The following SOAT1 variants were observed in gnomAD, a reference collection of about 807,000 sequenced individuals.
The protein encoded by SOAT1 is sterol O-acyltransferase 1.
Under a neutral mutation model 69.5 loss-of-function variants are expected in SOAT1, and 55 were observed. The ratio of observed to expected loss-of-function variants is 0.79; its 90% CI spans 0.64 to 0.99. SOAT1 has a LOEUF of 0.99. SOAT1 is among the 50% of genes least tolerant of loss of function. SOAT1 has a pLI of 0.00. For synonymous variants in SOAT1, 231 were observed against 224.7 expected (o/e 1.03, Z -0.25); for missense variants, 580 against 669.3 (o/e 0.87, Z 1.47).
At chr1:179,347,110 G>A (rs1666557669) in intron 11 of SOAT1, among the ~76,000 whole-genome samples, 1 of 152,080 alleles carries the variant, frequency 6.6e-6, no homozygotes, top group African/African-American at 2.4e-5. Flanking sequence ...TGTAATCCTA[G>A]CACTTCGGGA....
chr1:179,306,696 G>A (rs1216306163), intron 2 of SOAT1, among the ~76,000 whole-genome samples: 5 of 152,010 alleles, frequency 3.3e-5, no homozygotes, highest in South Asian at 2.1e-4. Flanking sequence ...GCCGGGTGCG[G>A]TGGTGGGCAC....
Position 179,341,285 on chromosome 1 carries a change from CCCGGTTCATCAT to C in SOAT1, c.756_767del (p.Arg253_Ile256del). The C allele has an allele frequency of 1.2e-6, 2 of 1,614,054 alleles. No individual in the cohort carries two copies. Among genetic ancestry groups the C allele is most frequent in the Non-Finnish European group, 1.7e-6 (2 of 1,179,996 alleles). ...TTAGCATATACACTGCCACCAGCTT[CCCGGTTCATCAT>C]TATATTCGAGCAGGTAAGGTTTTAA... On this transcript the variant is annotated inframe_deletion, in exon 7 of 16. Coordinates refer to ENST00000367619, the MANE Select transcript of SOAT1 (RefSeq NM_003101.6).
intron 2 of SOAT1, among the ~76,000 whole-genome samples, chr1:179,317,776 C>T (rs759958124): frequency 4.6e-5 from 7 of 150,986 alleles, no homozygotes; most frequent in African/African-American, 9.7e-5. Flanking sequence ...TGATGTTTCT[C>T]GGTTCCCATA....
At chr1:179,326,526 T>C (rs1665796006) in intron 3 of SOAT1, among the ~76,000 whole-genome samples, 1 of 151,938 alleles carries the variant, frequency 6.6e-6, no homozygotes, top group Non-Finnish European at 1.5e-5. Flanking sequence ...ATTTTACCAT[T>C]GTTTATTAAT....
At chr1:179,325,200 A>C (rs1166641251) in intron 3 of SOAT1, among the ~76,000 whole-genome samples, 5 of 132,026 alleles carry the variant, frequency 3.8e-5, no homozygotes, top group Admixed American at 9.2e-5. Flanking sequence ...CCCAGGCTGG[A>C]GTGCAGTGGC....
chr1:179,340,914 G>A lies in SOAT1; in HGVS notation c.498-114G>A, dbSNP rs987347629. ...ACATCCATGACTTCAGCGTATTAAC[G>A]TTGTGGTGTTTCCTAAGGTTGAAAG... is the stretch of plus-strand genomic sequence containing the variant. On this transcript the variant is annotated intron_variant, in intron 6 of 15. Transcript: ENST00000367619. The A allele has an allele frequency of 2.7e-5, 24 of 875,132 alleles. No homozygotes were observed. In the Admixed American group the frequency reaches 5.8e-4, roughly 21 times the overall value. 54.2% of individuals were successfully genotyped at this position (875,132 alleles called of 1,614,324 possible).
At chr1:179,323,045 C>CTTTTTTTTTTTTT (rs36045111) in intron 2 of SOAT1, among the ~76,000 whole-genome samples, 1 of 126,738 alleles carries the variant, frequency 7.9e-6, no homozygotes, top group Non-Finnish European at 1.6e-5. Context: ...TCTTTTCTTT[C>CTTTTTTTTTTTTT]TTTTTTTTTT....
At chr1:179,333,375 TTTAACTA>T (rs1237013762) in intron 3 of SOAT1, among the ~76,000 whole-genome samples, 5 of 145,586 alleles carry the variant, frequency 3.4e-5, no homozygotes, top group Admixed American at 7.3e-5. Flanking sequence ...CATAGTATCT[TTTAACTA>T]GGATATTCCT....
intron 15 of SOAT1, among the ~76,000 whole-genome samples, chr1:179,353,216 T>TATATATAA (rs1666802971): frequency 8.5e-6 from 1 of 117,748 alleles, no homozygotes; most frequent in Non-Finnish European, 1.7e-5. Flanking sequence ...TAAATATATA[T>TATATATAA]ATATATATCT....
Position 179,341,092 on chromosome 1 carries a change from TG to T in SOAT1, c.564del (p.Trp188CysfsTer30). On this transcript the variant is annotated frameshift_variant, in exon 7 of 16. Transcript: ENST00000367619. LOFTEE classifies it high-confidence loss of function. ...FGKFPTVVWT[W>X]WIMFLSTFSV... ...CAAATTTCCTACCGTTGTTTGGACC[TG>T]GTGGATCATGTTCCTGTCTACATTT... is the stretch of plus-strand genomic sequence containing the variant. 6.2e-7 allele frequency: 1 copy of T among 1,614,144 alleles called. No individual in the cohort carries two copies.
intron 3 of SOAT1, among the ~76,000 whole-genome samples, chr1:179,324,097 A>G (rs1665699741): frequency 6.6e-6 from 1 of 152,222 alleles, no homozygotes; most frequent in Non-Finnish European, 1.5e-5. Flanking sequence ...TTTGTTGGCC[A>G]GTTTGACTAT....
At chr1:179,318,731 G>A (rs1246496438) in intron 2 of SOAT1, among the ~76,000 whole-genome samples, 1 of 152,044 alleles carries the variant, frequency 6.6e-6, no homozygotes, top group Non-Finnish European at 1.5e-5. Context: ...AGTCTTTTGT[G>A]ACTTCCTCTT....
At chr1:179,353,063 A>G (rs1270130646) in intron 15 of SOAT1, among the ~76,000 whole-genome samples, 1 of 145,070 alleles carries the variant, frequency 6.9e-6, no homozygotes, top group Non-Finnish European at 1.5e-5. Context: ...TCATTTTTAT[A>G]TATATGTCAT....
At chr1:179,332,894 T>C (rs1483945845) in intron 3 of SOAT1, among the ~76,000 whole-genome samples, 1 of 151,952 alleles carries the variant, frequency 6.6e-6, no homozygotes, top group African/African-American at 2.4e-5. Flanking sequence ...CTAGGATCTG[T>C]GAAAGGAGGA....
intron 4 of SOAT1, 30 bp from the exon 5 acceptor site, chr1:179,337,807 A>G: frequency 6.5e-7 from 1 of 1,533,984 alleles, no homozygotes; most frequent in Non-Finnish European, 8.9e-7. Flanking sequence ...TGAAGTACTT[A>G]TATCTTGTTT....
chr1:179,351,415 T>C lies in SOAT1; in HGVS notation c.1549T>C (p.Phe517Leu), dbSNP rs1427001358. 3 of 1,614,134 alleles carry C rather than the reference T, an allele frequency of 1.9e-6. No homozygotes were observed. Among genetic ancestry groups the C allele is most frequent in the African/African-American group, 1.3e-5 (1 of 75,034 alleles). ...LFLGNGVLLC[F>L]YSQEWYARQH... is the part of the protein sequence containing the mutation. ...CTTGGGCAATGGAGTCTTACTCTGC[T>C]TTTATTCTCAAGAATGGTATGCACG... The change falls in exon 15 of 16, where the codon TTT becomes CTT. Residue 517 changes from phenylalanine (F) to leucine (L), a missense_variant. Phe to Leu is a conservative substitution (Grantham distance 22). Coordinates refer to ENST00000367619, the MANE Select transcript of SOAT1 (RefSeq NM_003101.6).
At chr1:179,297,134 A>G (rs776961278) in intron 1 of SOAT1, among the ~76,000 whole-genome samples, 18 of 152,294 alleles carry the variant, frequency 1.2e-4, no homozygotes, top group Admixed American at 3.3e-4. Flanking sequence ...TGCACTCAGC[A>G]CTTTGTTACC....
rs933098318 is a variant in SOAT1 at position 179,354,852 on chromosome 1, A to G, written c.*1211A>G. 2.6e-5 allele frequency: 4 copies of G among 152,074 alleles called. No homozygotes were observed. The South Asian group carries it at 8.3e-4, about 31-fold the overall frequency. The allele number at this position is 152,074 out of a possible 1,614,324, so 9.4% of individuals were successfully genotyped here. A position where few individuals can be genotyped will look rare whatever the true frequency, so the allele number is the denominator to read the frequency against. On this transcript the variant is annotated 3_prime_UTR_variant, in exon 16 of 16. Transcript: ENST00000367619. ...TATGATTGTAAAGATTGAGCATTGG[A>G]AGGGGTATCAGAGACCATGTAGTTC...
intron 2 of SOAT1, among the ~76,000 whole-genome samples, chr1:179,313,873 C>T (rs1039625117): frequency 2.0e-5 from 3 of 152,146 alleles, no homozygotes; most frequent in Non-Finnish European, 2.9e-5. Context: ...TGTGAGCCAC[C>T]GTGCCTGGCC....
Sources: allele counts gnomAD v4.1 joint callset (sites outside exome capture counted in the v4.1 genomes callset), GRCh38; gene constraint gnomAD v4.1.1; transcripts MANE v1.5; gene names NCBI Gene and HGNC (gene_info 2026-07-23, HGNC 2026-07-21).